USP20: variants seen among roughly 807,000 people sequenced by gnomAD.
USP20 encodes ubiquitin specific peptidase 20, also known as ubiquitin carboxyl-terminal hydrolase 20.
A neutral mutation model predicts 124.2 loss-of-function variants in USP20; 80 were observed. That is an observed-to-expected ratio of 0.64 (90% CI 0.54 to 0.78). The LOEUF is 0.78. USP20 is among the 30% of genes least tolerant of loss of function. USP20 has a pLI of 0.00. For missense variants in USP20, 1,043 were observed against 1,244.4 expected (o/e 0.84, Z 2.44); for synonymous variants, 481 against 512.3 (o/e 0.94, Z 0.83).
chr9:129,838,650 C>T (rs2032014027), intron 1 of USP20, among the ~76,000 whole-genome samples: 1 of 152,108 alleles, frequency 6.6e-6, no homozygotes, highest in African/African-American at 2.4e-5. Flanking sequence ...ATCATGCTGC[C>T]TGAAAAGAGA....
At chr9:129,846,228 CATATATAT>C (rs1159489842) in intron 1 of USP20, among the ~76,000 whole-genome samples, 7 of 59,424 alleles carry the variant, frequency 1.2e-4, no homozygotes, top group East Asian at 1.0e-3. Flanking sequence ...TGCGCCCAGC[CATATATAT>C]ATATATATAT....
chr9:129,841,183 G>C (rs2032188613), intron 1 of USP20, among the ~76,000 whole-genome samples: 1 of 152,202 alleles, frequency 6.6e-6, no homozygotes, highest in African/African-American at 2.4e-5. Flanking sequence ...CAGTTCTGGA[G>C]GCTAGACGTC....
intron 6 of USP20, among the ~76,000 whole-genome samples, chr9:129,860,725 A>G (rs1359578566): frequency 6.6e-6 from 1 of 152,152 alleles, no homozygotes; most frequent in Non-Finnish European, 1.5e-5. Flanking sequence ...CCCTGTCTCT[A>G]AAAAAACACA....
At chr9:129,868,536 C>CG in intron 11 of USP20, 87 bp downstream of exon 11, 1 of 1,482,484 alleles carries the variant, frequency 6.7e-7, no homozygotes, top group Non-Finnish European at 8.9e-7. Context: ...CAGTAGCCCC[C>CG]GGGGGACGGG....
chr9:129,856,982 G>C (rs1367117750), intron 4 of USP20, among the ~76,000 whole-genome samples: 1 of 151,660 alleles, frequency 6.6e-6, no homozygotes, highest in African/African-American at 2.4e-5. Context: ...TTTTTTCTCT[G>C]TAGTATTTAA....
Position 129,879,700 on chromosome 9 carries a change from T to C in USP20, c.2584+56T>C. On this transcript the variant is annotated intron_variant, in intron 24 of 25. Coordinates refer to ENST00000372429, the MANE Select transcript of USP20 (RefSeq NM_001110303.4). The surrounding 1 kb of genome is among the most constrained non-coding windows in gnomAD (Gnocchi z 4.2). ...TCTCTGCCCTTCCTGGCTGCCAGGCTGCTGCCCAGTCCCGTCCTTCCAGGA... is the reference window on the plus strand; with the variant it reads ...TCTCTGCCCTTCCTGGCTGCCAGGCCGCTGCCCAGTCCCGTCCTTCCAGGA... 6.3e-7 allele frequency: 1 copy of C among 1,592,554 alleles called. No homozygotes were observed. The highest frequency in any genetic ancestry group is 1.3e-5 in the African/African-American group (1 of 74,636).
At chr9:129,877,702 G>A (rs1251287044) in intron 22 of USP20, among the ~76,000 whole-genome samples, 1 of 151,684 alleles carries the variant, frequency 6.6e-6, no homozygotes, top group Non-Finnish European at 1.5e-5. Flanking sequence ...CCCCCATCTC[G>A]AAAAAGAAAA....
chr9:129,868,136 T>C lies in USP20; in HGVS notation c.822T>C (p.Gly274=), dbSNP rs1166827570. 8.1e-6 allele frequency: 13 copies of C among 1,613,710 alleles called. No homozygotes were observed. The highest frequency in any genetic ancestry group is 1.1e-5 in the Non-Finnish European group (13 of 1,179,926). The change falls in exon 11 of 26, where the codon GGT becomes GGC. Residue 274 remains glycine, a synonymous_variant. Transcript: ENST00000372429. ...GTGACACGGATGAGAAACGGGAGGGTGACCGGAGCCCATCAGAAGATGAGT... is the reference window on the plus strand; with the variant it reads ...GTGACACGGATGAGAAACGGGAGGGCGACCGGAGCCCATCAGAAGATGAGT... The part of the protein sequence containing the change: ...DSSDTDEKRE[G]DRSPSEDEFL...
chr9:129,868,559 C>T lies in USP20; in HGVS notation c.1135+110C>T, dbSNP rs1431672785. ...CCCGGGGGACGGGTTCTTCACTAGA[C>T]CCGAATGACAGTGGGGAAGTCAGCC... On this transcript the variant is annotated intron_variant, in intron 11 of 25. Transcript: ENST00000372429. The T allele has an allele frequency of 2.8e-6, 4 of 1,450,128 alleles. No homozygotes were observed. The African/African-American group carries it at 4.3e-5, about 15-fold the overall frequency. The allele number at this position is 1,450,128 out of a possible 1,614,324, so 89.8% of individuals were successfully genotyped here. A position where few individuals can be genotyped will look rare whatever the true frequency, so the allele number is the denominator to read the frequency against.
At chr9:129,857,937 TG>T in intron 4 of USP20, 112 bp from the exon 5 acceptor site, 2 of 891,392 alleles carry the variant, frequency 2.2e-6, no homozygotes, top group Non-Finnish European at 3.7e-6. Context: ...CAGTCCCTTG[TG>T]GCCCCTATTC....
Position 129,875,748 on chromosome 9 carries a change from C to T in USP20, c.2300+107C>T, listed in dbSNP as rs2034365253. The T allele has an allele frequency of 2.8e-5, 31 of 1,100,940 alleles. No individual in the cohort carries two copies. In the South Asian group the frequency reaches 4.1e-4, roughly 15 times the overall value. 68.2% of individuals were successfully genotyped at this position (1,100,940 alleles called of 1,614,324 possible). ...TGCCACCAGGACCCCACACCACACTCTGGCCTCCACGTGGGCAGCACAGAG... is the reference window on the plus strand; with the variant it reads ...TGCCACCAGGACCCCACACCACACTTTGGCCTCCACGTGGGCAGCACAGAG... On this transcript the variant is annotated intron_variant, in intron 21 of 25. Transcript: ENST00000372429.
chr9:129,859,974 G>A (rs2033449499), intron 6 of USP20, among the ~76,000 whole-genome samples: 1 of 152,164 alleles, frequency 6.6e-6, no homozygotes, highest in Admixed American at 6.5e-5. Context: ...CAAGGTTGCA[G>A]TGAGCTATAG....
At chr9:129,860,852 G>A in intron 6 of USP20, 85 bp from the exon 7 acceptor site, 2 of 1,404,682 alleles carry the variant, frequency 1.4e-6, no homozygotes, top group Non-Finnish European at 2.0e-6. Context: ...CAGTAGGGCT[G>A]GACTTCCAGC....
At chr9:129,855,908 C>T (rs2033189472) in intron 3 of USP20, among the ~76,000 whole-genome samples, 1 of 152,138 alleles carries the variant, frequency 6.6e-6, no homozygotes, top group Non-Finnish European at 1.5e-5. Flanking sequence ...AACAGACCAT[C>T]CCTCTTTCAT....
intron 3 of USP20, among the ~76,000 whole-genome samples, chr9:129,855,295 G>A (rs1342421597): frequency 6.6e-6 from 1 of 152,176 alleles, no homozygotes; most frequent in Non-Finnish European, 1.5e-5. Flanking sequence ...GCCGGGCGAG[G>A]TGGTGGGTGC....
rs374143787 is a variant in USP20 at position 129,873,151 on chromosome 9, A to G, written c.1661-331A>G. Among the ~76,000 whole-genome samples the G allele has an allele frequency of 8.9e-5, 12 of 134,406 alleles. No individual in the cohort carries two copies. In the East Asian group the frequency reaches 2.6e-3, roughly 29 times the overall value. 88.2% of individuals were successfully genotyped at this position (134,406 alleles called of 152,430 possible). ...GGCTGGAGTGCAGTGGCATCAGCTC[A>G]CTGCAGCCTCTGCCCCGAGCCCCCC... On this transcript the variant is annotated intron_variant, in intron 15 of 25. Coordinates refer to ENST00000372429, the MANE Select transcript of USP20 (RefSeq NM_001110303.4).
chr9:129,840,766 C>CG (rs2032156042), intron 1 of USP20, among the ~76,000 whole-genome samples: 1 of 120,484 alleles, frequency 8.3e-6, no homozygotes, highest in African/African-American at 3.1e-5. Flanking sequence ...CCTTTAGAAA[C>CG]TTTTTTTTTT....
intron 1 of USP20, among the ~76,000 whole-genome samples, chr9:129,848,450 G>A (rs1253802727): frequency 6.6e-6 from 1 of 151,848 alleles, no homozygotes; most frequent in Non-Finnish European, 1.5e-5. Context: ...TCTCTCTGAA[G>A]TTGCAAGAAT....
chr9:129,874,822 G>C lies in USP20; in HGVS notation c.1922-7G>C. The C allele has an allele frequency of 1.2e-6, 2 of 1,614,038 alleles. No homozygotes were observed. The highest frequency in any genetic ancestry group is 8.5e-7 in the Non-Finnish European group (1 of 1,180,012). ...ATCCCTGTGACCCGTCTGCTCTGCC[G>C]CCGCAGGTGGGCACTACATCGCCTA... On this transcript the variant is annotated splice_region_variant and splice_polypyrimidine_tract_variant and intron_variant, in intron 18 of 25. Coordinates refer to ENST00000372429, the MANE Select transcript of USP20 (RefSeq NM_001110303.4).
Sources: gnomAD v4.1 joint callset for allele counts (sites outside exome capture counted in the v4.1 genomes callset) on GRCh38, gnomAD v4.1.1 for gene constraint, Gnocchi (gnomAD v3.1) non-coding constraint, MANE v1.5 for transcripts, NCBI Gene and HGNC (gene_info 2026-07-23, HGNC 2026-07-21) for gene names.